The following MACROD2 variants were observed in gnomAD, a reference collection of about 807,000 sequenced individuals.
MACROD2 encodes the protein ADP-ribose glycohydrolase MACROD2.
A neutral mutation model predicts 70.4 loss-of-function variants in MACROD2; 36 were observed. The ratio of observed to expected loss-of-function variants is 0.51; its 90% CI spans 0.39 to 0.68. The LOEUF (loss-of-function observed/expected upper bound fraction) is 0.68, where lower values mean the gene tolerates loss of function less well. Ranked by LOEUF, MACROD2 falls within the 30% of genes least tolerant of loss-of-function variation. MACROD2 has a pLI of 0.00. For missense variants in MACROD2, 496 were observed against 538.4 expected (o/e 0.92, Z 0.78); for synonymous variants, 172 against 178.8 (o/e 0.96, Z 0.30).
intron 7 of MACROD2, among the ~76,000 whole-genome samples, chr20:15,463,697 C>A (rs1473939403): frequency 3.3e-5 from 5 of 152,020 alleles, no homozygotes; most frequent in Non-Finnish European, 7.4e-5. Context: ...TGCAGTGAGC[C>A]AAGATTGTGC....
Position 14,905,511 on chromosome 20 carries a change from T to C in MACROD2, c.418+220552T>C, listed in dbSNP as rs2073948595. 1.3e-5 allele frequency: 2 copies of C among 152,122 alleles called. 1 individual carries two copies. The highest frequency in any genetic ancestry group is 4.1e-4 in the South Asian group (2 of 4,822). 9.4% of individuals were successfully genotyped at this position (152,122 alleles called of 1,614,324 possible). On this transcript the variant is annotated intron_variant, in intron 5 of 17. Transcript: ENST00000684519. ...GTTCTGAGCAGCAGAATGACATCTA[T>C]GCCCTTGAACATTTTACTTGGCCTT...
At chr20:15,027,765 A>G (rs2075244757) in intron 5 of MACROD2, among the ~76,000 whole-genome samples, 2 of 152,016 alleles carry the variant, frequency 1.3e-5, no homozygotes, top group African/African-American at 4.8e-5. Flanking sequence ...TCTCACCCCT[A>G]ATATGTGTGG....
At chr20:14,719,808 C>A (rs2071442922) in intron 5 of MACROD2, among the ~76,000 whole-genome samples, 1 of 152,128 alleles carries the variant, frequency 6.6e-6, no homozygotes, top group African/African-American at 2.4e-5. Context: ...TAAAAGCTCC[C>A]AGCTAAAAAC....
rs958337048 is a variant in MACROD2 at position 15,921,539 on chromosome 20, G to T, written c.776-11737G>T. 2.6e-5 allele frequency among the ~76,000 whole-genome samples: 4 copies of T among 152,108 alleles called. No individual in the cohort carries two copies. The East Asian group carries it at 7.7e-4, about 29-fold the overall frequency. ...CCATTCATTCCTACTGATTAATTTT[G>T]CTTCACAAGTGCCTTAGGCTTATCA... On this transcript the variant is annotated intron_variant, in intron 10 of 17. Transcript: ENST00000684519.
At chr20:14,846,013 T>A (rs2024898) in intron 5 of MACROD2, among the ~76,000 whole-genome samples, 49,751 of 151,950 alleles carry the variant, frequency 0.33, 9,161 homozygotes, top group Non-Finnish European at 0.41. Flanking sequence ...AGTATTTTTT[T>A]AATTTATCCA....
At position 15,617,020 on chromosome 20, in the gene MACROD2, T is replaced by C. The variant is rs572138498; in HGVS notation, c.645+117173T>C. On this transcript the variant is annotated intron_variant, in intron 8 of 17. Coordinates refer to ENST00000684519, the MANE Select transcript of MACROD2 (RefSeq NM_001351661.2). ...TTAGCTATGGTAGAACAGTGACTTC[T>C]CCAGGGATGTTTCTGAGTTCGAGAC... 3.9e-5 allele frequency among the ~76,000 whole-genome samples: 6 copies of C among 152,334 alleles called. No homozygotes were observed. In the South Asian group the frequency reaches 1.2e-3, roughly 32 times the overall value.
At chr20:15,978,737 A>G (rs988830882) in intron 13 of MACROD2, among the ~76,000 whole-genome samples, 19 of 152,344 alleles carry the variant, frequency 1.2e-4, no homozygotes, top group African/African-American at 4.6e-4. Flanking sequence ...CCTTTCTGCT[A>G]TCAAATCACA....
At chr20:15,755,492 C>A (rs1234812120) in intron 8 of MACROD2, among the ~76,000 whole-genome samples, 4 of 152,140 alleles carry the variant, frequency 2.6e-5, no homozygotes, top group African/African-American at 9.7e-5. Flanking sequence ...TTTCCTTCAT[C>A]ACTAAAGCCC....
chr20:15,958,350 A>G (rs2066007546), intron 12 of MACROD2, among the ~76,000 whole-genome samples: 1 of 152,166 alleles, frequency 6.6e-6, no homozygotes, highest in Non-Finnish European at 1.5e-5. Flanking sequence ...AGCTGTGGAC[A>G]TGTGCATTCT....
At chr20:14,055,878 G>T (rs772720545) in intron 2 of MACROD2, among the ~76,000 whole-genome samples, 3 of 151,874 alleles carry the variant, frequency 2.0e-5, no homozygotes, top group Non-Finnish European at 4.4e-5. Context: ...ATTTGTATCT[G>T]GTATTTAGCA....
At chr20:15,451,267 C>T (rs1165678464) in intron 7 of MACROD2, among the ~76,000 whole-genome samples, 2 of 151,920 alleles carry the variant, frequency 1.3e-5, no homozygotes, top group East Asian at 1.9e-4. Context: ...AACTCTTTCA[C>T]ACCTTTCATT....
intron 6 of MACROD2, among the ~76,000 whole-genome samples, chr20:15,378,955 T>G (rs1380752022): frequency 1.3e-5 from 2 of 152,142 alleles, no homozygotes; most frequent in African/African-American, 4.8e-5. Context: ...CTGAGGCATG[T>G]GAATTCTAAA....
chr20:14,106,698 C>G (rs2054373854), intron 3 of MACROD2, among the ~76,000 whole-genome samples: 1 of 152,122 alleles, frequency 6.6e-6, no homozygotes, highest in African/African-American at 2.4e-5. Flanking sequence ...ATGTGTGTCC[C>G]TATACCCTCA....
intron 3 of MACROD2, among the ~76,000 whole-genome samples, chr20:14,330,088 C>G (rs2082806255): frequency 6.6e-6 from 1 of 151,996 alleles, no homozygotes; most frequent in Non-Finnish European, 1.5e-5. Context: ...TTATTTCAAT[C>G]TCCTTGTAGT....
At chr20:15,417,074 C>A (rs756060183) in intron 6 of MACROD2, among the ~76,000 whole-genome samples, 1 of 152,088 alleles carries the variant, frequency 6.6e-6, no homozygotes, top group Non-Finnish European at 1.5e-5. Flanking sequence ...ACTCTGCAGG[C>A]GTGAAATCTG....
At chr20:14,609,652 C>T (rs892745626) in intron 4 of MACROD2, among the ~76,000 whole-genome samples, 5 of 152,090 alleles carry the variant, frequency 3.3e-5, no homozygotes, top group African/African-American at 1.2e-4. Flanking sequence ...TGCAAAAATA[C>T]TTATGTGTAT....
chr20:14,536,218 T>A (rs1382806408), intron 4 of MACROD2, among the ~76,000 whole-genome samples: 1 of 152,146 alleles, frequency 6.6e-6, no homozygotes, highest in Non-Finnish European at 1.5e-5. Context: ...CCATTTAATA[T>A]AAAATAATTA....
At chr20:14,808,081 G>C (rs1481759326) in intron 5 of MACROD2, among the ~76,000 whole-genome samples, 1 of 151,988 alleles carries the variant, frequency 6.6e-6, no homozygotes, top group Non-Finnish European at 1.5e-5. Flanking sequence ...TCAAATTCAG[G>C]AAATACAGAG....
intron 5 of MACROD2, among the ~76,000 whole-genome samples, chr20:15,085,869 ACACAAC>A (rs1302880220): frequency 2.7e-5 from 3 of 111,000 alleles, no homozygotes; most frequent in South Asian, 2.8e-4. Context: ...ACACACACAC[ACACAAC>A]ACACACACAC....
Sources: gnomAD v4.1 joint callset for allele counts (sites outside exome capture counted in the v4.1 genomes callset) on GRCh38, gnomAD v4.1.1 for gene constraint, MANE v1.5 for transcripts, NCBI Gene and HGNC (gene_info 2026-07-23, HGNC 2026-07-21) for gene names.